CTNNA3: variants seen among roughly 807,000 people sequenced by gnomAD.
CTNNA3 encodes catenin alpha 3.
In CTNNA3, 76 loss-of-function variants were observed where a neutral mutation model predicts 95.7. The observed-to-expected ratio is 0.79, with a 90% confidence interval of 0.66 to 0.96. The LOEUF (loss-of-function observed/expected upper bound fraction) is 0.96. Ranked by LOEUF, CTNNA3 falls within the 40% of genes least tolerant of loss-of-function variation. The pLI is 0.00. For missense variants in CTNNA3, 1,191 were observed against 1,089.8 expected (o/e 1.09, Z -1.31); for synonymous variants, 431 against 374.4 (o/e 1.15, Z -1.74).
intron 11 of CTNNA3, among the ~76,000 whole-genome samples, chr10:66,451,357 T>G (rs1382481612): frequency 6.6e-6 from 1 of 152,034 alleles, no homozygotes; most frequent in Non-Finnish European, 1.5e-5. Context: ...TTATCCCCAT[T>G]TTATGGATAA....
At chr10:67,608,908 T>C (rs1227355624) in intron 2 of CTNNA3, among the ~76,000 whole-genome samples, 1 of 151,880 alleles carries the variant, frequency 6.6e-6, no homozygotes, top group Admixed American at 6.6e-5. Context: ...CTGACCAACA[T>C]GGACAAACCC....
intron 11 of CTNNA3, among the ~76,000 whole-genome samples, chr10:66,509,680 T>C (rs778176194): frequency 1.3e-5 from 2 of 152,046 alleles, no homozygotes; most frequent in Non-Finnish European, 2.9e-5. Flanking sequence ...TGACTGTAAA[T>C]ATATAGATGT....
chr10:66,410,703 GT>G (rs2093096905), intron 11 of CTNNA3, among the ~76,000 whole-genome samples: 1 of 152,092 alleles, frequency 6.6e-6, no homozygotes, highest in African/African-American at 2.4e-5. Flanking sequence ...AATAATCTTT[GT>G]CAGGACCCTA....
At chr10:66,637,480 C>G (rs1483392970) in intron 9 of CTNNA3, among the ~76,000 whole-genome samples, 1 of 152,250 alleles carries the variant, frequency 6.6e-6, no homozygotes, top group East Asian at 1.9e-4. Flanking sequence ...TTGCCATCAA[C>G]TAGTCCAGTT....
intron 5 of CTNNA3, among the ~76,000 whole-genome samples, chr10:67,418,960 T>C (rs923005156): frequency 2.0e-5 from 3 of 151,520 alleles, no homozygotes; most frequent in African/African-American, 7.2e-5. Context: ...ATTCACATGA[T>C]AAATATACAT....
chr10:67,416,582 T>C (rs1362729724), intron 5 of CTNNA3, among the ~76,000 whole-genome samples: 2 of 119,422 alleles, frequency 1.7e-5, no homozygotes, highest in Admixed American at 1.2e-4. Flanking sequence ...CACTCCAGCC[T>C]GGGCGACAGA....
chr10:67,519,966 A>G (rs551100588), intron 5 of CTNNA3, among the ~76,000 whole-genome samples: 1 of 152,286 alleles, frequency 6.6e-6, no homozygotes, highest in East Asian at 1.9e-4. Context: ...CTGCCCATCA[A>G]GAAGACATAA....
chr10:67,180,373 C>G lies in CTNNA3; in HGVS notation c.991G>C (p.Glu331Gln). The change falls in exon 7 of 18, where the codon GAA (glutamate) becomes CAA (glutamine). Residue 331 changes from glutamate to glutamine, a missense_variant. Transcript: ENST00000433211. ...AGAGCCTGGCGAATGGCGTTGCATT[C>G]TGCGATAATCCGCTCTCGGTGTAAG... The part of the protein sequence containing the change: ...RDLHRERIIA[E>Q]CNAIRQALQD... The G allele has an allele frequency of 6.2e-7, 1 of 1,613,764 alleles. No individual in the cohort carries two copies. Among genetic ancestry groups the G allele is most frequent in the Non-Finnish European group, 8.5e-7 (1 of 1,179,872 alleles).
intron 5 of CTNNA3, among the ~76,000 whole-genome samples, chr10:67,244,068 A>T (rs950021786): frequency 3.3e-5 from 5 of 152,242 alleles, no homozygotes; most frequent in Non-Finnish European, 7.3e-5. Context: ...TCCATGAAAT[A>T]AAAATTGCAC....
intron 11 of CTNNA3, among the ~76,000 whole-genome samples, chr10:66,515,161 T>G (rs1259830411): frequency 6.6e-6 from 1 of 151,196 alleles, no homozygotes; most frequent in Non-Finnish European, 1.5e-5. Context: ...AATTTTTATT[T>G]GTATTTACAT....
intron 7 of CTNNA3, among the ~76,000 whole-genome samples, chr10:66,960,491 G>T (rs1296834183): frequency 1.3e-5 from 2 of 152,034 alleles, no homozygotes; most frequent in Non-Finnish European, 2.9e-5. Context: ...TTAGAGTAGA[G>T]AACTAATTAC....
At chr10:67,221,527 C>T (rs548068781) in intron 5 of CTNNA3, among the ~76,000 whole-genome samples, 1 of 152,262 alleles carries the variant, frequency 6.6e-6, no homozygotes, top group Non-Finnish European at 1.5e-5. Context: ...CTTCCAAGCC[C>T]TTATCCTAAA....
rs1216534516 is a variant in CTNNA3 at position 67,191,377 on chromosome 10, T to G, written c.844-10857A>C. ...ACCCAAAGACTCAACCAAAAACCTA[T>G]TATAACTAGTAAACAAATCCAATAA... is the stretch of plus-strand genomic sequence containing the variant. On this transcript the variant is annotated intron_variant, in intron 6 of 17. Coordinates refer to ENST00000433211, the MANE Select transcript of CTNNA3 (RefSeq NM_013266.4). Among the ~76,000 whole-genome samples the G allele has an allele frequency of 3.3e-5, 5 of 151,876 alleles. No homozygotes were observed. The East Asian group carries it at 9.6e-4, about 29-fold the overall frequency.
chr10:67,355,031 A>G (rs1003615153), intron 5 of CTNNA3, among the ~76,000 whole-genome samples: 2 of 152,006 alleles, frequency 1.3e-5, no homozygotes, highest in African/African-American at 2.4e-5. Context: ...ATACTTTGCT[A>G]TTGTCCAAAT....
chr10:67,519,248 T>C (rs1839910972), intron 5 of CTNNA3, among the ~76,000 whole-genome samples: 1 of 152,156 alleles, frequency 6.6e-6, no homozygotes, highest in Non-Finnish European at 1.5e-5. Context: ...CTCTCAAAGA[T>C]GATGTTAAAA....
At chr10:66,449,154 G>GA (rs1186948034) in intron 11 of CTNNA3, among the ~76,000 whole-genome samples, 4 of 151,962 alleles carry the variant, frequency 2.6e-5, no homozygotes, top group African/African-American at 9.7e-5. Context: ...AAAAAATGAG[G>GA]AAAAAATGCC....
At chr10:67,586,005 G>A (rs1292793536) in intron 3 of CTNNA3, among the ~76,000 whole-genome samples, 4 of 152,004 alleles carry the variant, frequency 2.6e-5, no homozygotes, top group Admixed American at 2.6e-4. Flanking sequence ...GTATCTCACA[G>A]ATTTTGGTAT....
At chr10:66,375,351 C>T (rs1189055219) in intron 12 of CTNNA3, among the ~76,000 whole-genome samples, 1 of 151,914 alleles carries the variant, frequency 6.6e-6, no homozygotes, top group East Asian at 1.9e-4. Context: ...GAGACTATGG[C>T]ATGGTAGAGA....
chr10:67,714,641 T>C (rs1443261769), intron 1 of CTNNA3, among the ~76,000 whole-genome samples: 1 of 152,200 alleles, frequency 6.6e-6, no homozygotes, highest in African/African-American at 2.4e-5. Context: ...CCAGGGACTG[T>C]TGAGAAGGCA....
Sources: gnomAD v4.1 joint callset for allele counts (sites outside exome capture counted in the v4.1 genomes callset) on GRCh38, gnomAD v4.1.1 for gene constraint, MANE v1.5 for transcripts, NCBI Gene and HGNC (gene_info 2026-07-23, HGNC 2026-07-21) for gene names.